The following HS3ST3A1 variants were observed in gnomAD, a reference collection of about 807,000 sequenced individuals.
The protein encoded by HS3ST3A1 is heparan sulfate-glucosamine 3-sulfotransferase 3A1, also known as heparan sulfate glucosamine 3-O-sulfotransferase 3A1.
A neutral mutation model predicts 25.7 loss-of-function variants in HS3ST3A1; 19 were observed. The ratio of observed to expected loss-of-function variants is 0.74; its 90% CI spans 0.52 to 1.08. The LOEUF is 1.08. Among genes scored for constraint, HS3ST3A1 ranks in the 50% least tolerant of loss-of-function variants. The pLI is 0.00. For missense variants in HS3ST3A1, 459 were observed against 594.3 expected (o/e 0.77, Z 2.37); for synonymous variants, 226 against 278.6 (o/e 0.81, Z 1.88).
chr17:13,531,437 A>G (rs1194149748), intron 1 of HS3ST3A1, among the ~76,000 whole-genome samples: 2 of 152,136 alleles, frequency 1.3e-5, no homozygotes, highest in East Asian at 3.9e-4. Context: ...TCTGAGTGAG[A>G]AAAACGAAAT....
At chr17:13,540,896 C>G (rs544738780) in intron 1 of HS3ST3A1, among the ~76,000 whole-genome samples, 2 of 152,338 alleles carry the variant, frequency 1.3e-5, no homozygotes, top group South Asian at 4.1e-4. Flanking sequence ...TTCATTTTCA[C>G]TTCAGTGTAA....
rs1257029199 is a variant in HS3ST3A1, at chr17:13,504,539, A to G, written c.600-7721T>C. On this transcript the variant is annotated intron_variant, in intron 1 of 1. Coordinates refer to ENST00000284110, the MANE Select transcript of HS3ST3A1 (RefSeq NM_006042.3). Reference sequence around the variant, plus strand: ...CAGGCTGAAGGAAAAGTCCCAATTCATGACCCGGGTGCTGGCTACAGAAGC... The same window carrying G: ...CAGGCTGAAGGAAAAGTCCCAATTCGTGACCCGGGTGCTGGCTACAGAAGC... Among the ~76,000 whole-genome samples, 4 of 152,162 alleles carry G rather than the reference A, an allele frequency of 2.6e-5. No homozygotes were observed. The East Asian group carries it at 7.7e-4, about 29-fold the overall frequency.
Position 13,494,569 on chromosome 17 carries a change from G to C in HS3ST3A1, c.*1628C>G, listed in dbSNP as rs1905219866. ...AAAAGAATATTATTTTAGAGTGTCT[G>C]GTCGTTTAAATTTTGGCAGATAAAG... On this transcript the variant is annotated 3_prime_UTR_variant, in exon 2 of 2. Transcript: ENST00000284110. Among the ~76,000 whole-genome samples the C allele has an allele frequency of 6.6e-6, 1 of 152,136 alleles. No homozygotes were observed. The highest frequency in any genetic ancestry group is 1.5e-5 in the Non-Finnish European group (1 of 68,016).
chr17:13,568,559 A>C (rs994778558), intron 1 of HS3ST3A1, among the ~76,000 whole-genome samples: 20 of 152,142 alleles, frequency 1.3e-4, no homozygotes, highest in Admixed American at 3.9e-4. Flanking sequence ...ATTTTTCATA[A>C]TAATTTTAAT....
chr17:13,496,969 C>G (rs1905305188), intron 1 of HS3ST3A1, 151 bp from the exon 2 acceptor site: 2 of 1,019,824 alleles, frequency 2.0e-6, no homozygotes, highest in Non-Finnish European at 2.8e-6. Context: ...ACAACGAGCC[C>G]CGCACCTCAG....
Position 13,576,901 on chromosome 17 carries a change from T to C in HS3ST3A1, c.599+23630A>G, listed in dbSNP as rs941362947. ...TGGTTGGTAGGATGGCCTACTGCAT[T>C]AGTACATTCTCATGCTGCTGATAAA... On this transcript the variant is annotated intron_variant, in intron 1 of 1. Coordinates refer to ENST00000284110, the MANE Select transcript of HS3ST3A1 (RefSeq NM_006042.3). 9.9e-5 allele frequency among the ~76,000 whole-genome samples: 15 copies of C among 152,196 alleles called. 1 individual carries two copies. Among genetic ancestry groups the C allele is most frequent in the African/African-American group, 3.1e-4 (13 of 41,442 alleles).
At chr17:13,569,010 T>C (rs747895506) in intron 1 of HS3ST3A1, among the ~76,000 whole-genome samples, 29 of 152,216 alleles carry the variant, frequency 1.9e-4, no homozygotes, top group Non-Finnish European at 3.4e-4. Context: ...GCAAGCTTCC[T>C]GGCACTTTTG....
At chr17:13,508,017 T>G (rs1174321610) in intron 1 of HS3ST3A1, among the ~76,000 whole-genome samples, 2 of 152,208 alleles carry the variant, frequency 1.3e-5, no homozygotes, top group East Asian at 3.8e-4. Flanking sequence ...TACTTGTTGT[T>G]TGAATTGGCT....
intron 1 of HS3ST3A1, among the ~76,000 whole-genome samples, chr17:13,576,050 C>T (rs1011930116): frequency 1.3e-5 from 2 of 152,198 alleles, no homozygotes; most frequent in Non-Finnish European, 2.9e-5. Context: ...GGCCCAGGAA[C>T]TTGAGTTTTA....
intron 1 of HS3ST3A1, among the ~76,000 whole-genome samples, chr17:13,501,335 G>A (rs1387845004): frequency 2.0e-5 from 3 of 151,998 alleles, no homozygotes; most frequent in Non-Finnish European, 4.4e-5. Context: ...ACCTAACAGT[G>A]GTTAAAATGG....
intron 1 of HS3ST3A1, among the ~76,000 whole-genome samples, chr17:13,575,562 G>T (rs1377049593): frequency 1.3e-5 from 2 of 152,124 alleles, no homozygotes; most frequent in Non-Finnish European, 2.9e-5. Flanking sequence ...TATTCTAGGG[G>T]TCAATCAAAG....
chr17:13,568,487 A>G (rs1036181205), intron 1 of HS3ST3A1, among the ~76,000 whole-genome samples: 1 of 152,150 alleles, frequency 6.6e-6, no homozygotes, highest in African/African-American at 2.4e-5. Flanking sequence ...TAACTTCAAC[A>G]TTTACAATTT....
At chr17:13,507,234 G>T (rs1905713434) in intron 1 of HS3ST3A1, among the ~76,000 whole-genome samples, 1 of 152,146 alleles carries the variant, frequency 6.6e-6, no homozygotes, top group Non-Finnish European at 1.5e-5. Flanking sequence ...TACATACTGA[G>T]CATTTACCAC....
rs146444681 is a variant in HS3ST3A1 at position 13,555,298 on chromosome 17, A to T, written c.599+45233T>A. Among the ~76,000 whole-genome samples, 21 of 152,332 alleles carry T rather than the reference A, an allele frequency of 1.4e-4. No homozygotes were observed. The East Asian group carries it at 4.1e-3, about 29-fold the overall frequency. On this transcript the variant is annotated intron_variant, in intron 1 of 1. Coordinates refer to ENST00000284110, the MANE Select transcript of HS3ST3A1 (RefSeq NM_006042.3). ...GTGTTTCAAGCAGTATGGGAATGGA[A>T]CAGGTGGAGGAAGAAATGTAATCTA... is the stretch of plus-strand genomic sequence containing the variant.
At position 13,601,053 on chromosome 17, in the gene HS3ST3A1, A is replaced by G; in HGVS notation, c.77T>C (p.Leu26Ser). The G allele has an allele frequency of 6.3e-7, 1 of 1,599,968 alleles. No individual in the cohort carries two copies. Among genetic ancestry groups the G allele is most frequent in the Admixed American group, 1.7e-5 (1 of 58,734 alleles). Residue 26 changes from leucine (L) to serine (S), a missense_variant, in exon 1 of 2, where the codon TTG becomes TCG. Around this residue, in one of 3 missense-constraint regions of HS3ST3A1, gnomAD observed 346 missense variants for 303.9 expected, o/e 1.14. Coordinates refer to ENST00000284110, the MANE Select transcript of HS3ST3A1 (RefSeq NM_006042.3). ...PLSRSIFRKF[L>S]LMLCSLLTSL... Reference sequence around the variant, plus strand: ...CGTGAGCAGGGAGCAGAGCATCAGCAAGAACTTCCGGAAGATGCTGCGGGA... The same window carrying G: ...CGTGAGCAGGGAGCAGAGCATCAGCGAGAACTTCCGGAAGATGCTGCGGGA...
chr17:13,550,388 G>T lies in HS3ST3A1; in HGVS notation c.599+50143C>A, dbSNP rs111506845. ...CCAAGGAAATTACAGTAGAGATGAC[G>T]TGCATTGCTTCTTAGTCTGGTCTTT... is the stretch of plus-strand genomic sequence containing the variant. On this transcript the variant is annotated intron_variant, in intron 1 of 1. Coordinates refer to ENST00000284110, the MANE Select transcript of HS3ST3A1 (RefSeq NM_006042.3). Among the ~76,000 whole-genome samples the T allele has an allele frequency of 2.8e-3, 423 of 152,152 alleles. 4 individuals are homozygous for T. Among genetic ancestry groups the T allele is most frequent in the African/African-American group, 9.2e-3 (381 of 41,514 alleles).
intron 1 of HS3ST3A1, among the ~76,000 whole-genome samples, chr17:13,498,750 T>C (rs1476073073): frequency 1.3e-5 from 2 of 152,218 alleles, no homozygotes; most frequent in Non-Finnish European, 2.9e-5. Context: ...TCAAATTTAG[T>C]TAAGCCCAAG....
intron 1 of HS3ST3A1, among the ~76,000 whole-genome samples, chr17:13,585,153 G>A (rs1342744814): frequency 7.4e-6 from 1 of 134,240 alleles, no homozygotes; most frequent in Non-Finnish European, 1.5e-5. Context: ...CCATTTAGCC[G>A]CCAATTACAA....
At chr17:13,545,857 G>A (rs1460126561) in intron 1 of HS3ST3A1, among the ~76,000 whole-genome samples, 1 of 152,034 alleles carries the variant, frequency 6.6e-6, no homozygotes, top group African/African-American at 2.4e-5. Context: ...CACCTATAGA[G>A]TCCCAGCTAC....
Sources: gnomAD v4.1 joint callset for allele counts (sites outside exome capture counted in the v4.1 genomes callset) on GRCh38, gnomAD v4.1.1 for gene constraint, gnomAD v4.1.1 regional missense constraint, MANE v1.5 for transcripts, NCBI Gene and HGNC (gene_info 2026-07-23, HGNC 2026-07-21) for gene names.